Variants in PGS1 observed in about 807,000 individuals in gnomAD.
The protein encoded by PGS1 is phosphatidylglycerophosphate synthase 1.
PGS1 carries 44 observed loss-of-function variants against 58.3 expected under a neutral mutation model. The observed-to-expected ratio is 0.75, with a 90% CI of 0.59 to 0.97. The LOEUF (loss-of-function observed/expected upper bound fraction) is 0.97. Ranked by LOEUF, PGS1 falls within the 50% of genes least tolerant of loss-of-function variation. PGS1 has a pLI of 0.00. For synonymous variants in PGS1, 330 were observed against 311.0 expected (o/e 1.06, Z -0.64); for missense variants, 684 against 731.1 (o/e 0.94, Z 0.74).
chr17:78,400,785 G>A lies in PGS1; in HGVS notation c.810G>A (p.Gly270=). The A allele has an allele frequency of 1.2e-6, 2 of 1,613,888 alleles. No individual in the cohort carries two copies. The highest frequency in any genetic ancestry group is 1.7e-6 in the Non-Finnish European group (2 of 1,179,896). ...TCACGGAGCTGGTGGACGCGGTGGG[G>A]GATGTGTCCCTGCAGCTGCAGGGGG... The part of the protein sequence containing the change: ...DFFTELVDAV[G]DVSLQLQGDD... Residue 270 remains glycine (G), a synonymous_variant, in exon 6 of 10, where the codon GGG becomes GGA. Transcript: ENST00000262764. The surrounding 1 kb of genome is among the most constrained non-coding windows in gnomAD (Gnocchi z 4.4).
Position 78,378,705 on chromosome 17 carries a change from TG to T in PGS1, c.42del (p.Trp14Ter). ...GGCAGCTGCGGCGGGACCCGTGTTC[TG>T]GAGGCGACTGCTGGGCCTCCTGCCT... is the stretch of plus-strand genomic sequence containing the variant. Reference protein sequence around the residue: ...AAAAAAGPVFWRRLLGLLPGR... With the variant: ...AAAAAAGPVFXRRLLGLLPGR... On this transcript the variant is annotated frameshift_variant, in exon 1 of 10. Coordinates refer to ENST00000262764, the MANE Select transcript of PGS1 (RefSeq NM_024419.5). LOFTEE classifies it high-confidence loss of function. The T allele has an allele frequency of 6.6e-7, 1 of 1,522,328 alleles. No homozygotes were observed. 94.3% of individuals were successfully genotyped at this position (1,522,328 alleles called of 1,614,324 possible). A position where few individuals can be genotyped will look rare whatever the true frequency, so the allele number is the denominator to read the frequency against.
intron 1 of PGS1, among the ~76,000 whole-genome samples, chr17:78,379,518 TAAAAA>T (rs961268532): frequency 2.9e-4 from 44 of 151,716 alleles, no homozygotes; most frequent in Non-Finnish European, 5.3e-4. Context: ...TTGCTAATAT[TAAAAA>T]AAAGGGGATA....
intron 7 of PGS1, among the ~76,000 whole-genome samples, chr17:78,413,704 G>T (rs898915766): frequency 6.6e-6 from 1 of 152,200 alleles, no homozygotes; most frequent in Non-Finnish European, 1.5e-5. Flanking sequence ...GAGGAAGGGC[G>T]TCTCAGGCAG....
intron 1 of PGS1, among the ~76,000 whole-genome samples, chr17:78,383,522 G>A (rs1026012088): frequency 1.5e-4 from 23 of 152,172 alleles, no homozygotes; most frequent in African/African-American, 4.3e-4. Flanking sequence ...CACCGTGCCC[G>A]GCCTAGACTT....
chr17:78,410,801 C>CT, intron 7 of PGS1, among the ~76,000 whole-genome samples: 1 of 152,016 alleles, frequency 6.6e-6, no homozygotes, highest in South Asian at 2.1e-4. Flanking sequence ...TTAATTTGAC[C>CT]TTTTTTGGGA....
intron 9 of PGS1, chr17:78,421,403 T>TGTCCA (rs1568014682): frequency 6.6e-6 from 1 of 152,068 alleles, no homozygotes; most frequent in Non-Finnish European, 1.5e-5. Flanking sequence ...CAGGAGTCAC[T>TGTCCA]GTCACCCTTC....
At chr17:78,406,159 A>T (rs2084123116) in intron 7 of PGS1, among the ~76,000 whole-genome samples, 1 of 152,124 alleles carries the variant, frequency 6.6e-6, no homozygotes, top group Admixed American at 6.5e-5. Flanking sequence ...TACTAAAAAA[A>T]TACAAAAAAT....
intron 7 of PGS1, among the ~76,000 whole-genome samples, chr17:78,407,070 T>G (rs368423046): frequency 2.2e-4 from 33 of 152,258 alleles, no homozygotes; most frequent in African/African-American, 6.0e-4. Flanking sequence ...GTGGGTGGTG[T>G]TGGGTCGGGG....
intron 1 of PGS1, 49 bp downstream of exon 1, chr17:78,378,857 G>A: frequency 7.4e-6 from 10 of 1,354,758 alleles, no homozygotes; most frequent in Non-Finnish European, 9.4e-6. Context: ...GCTGCAGCCC[G>A]GCCCCCCGGC....
chr17:78,390,819 G>T (rs1176394319), intron 1 of PGS1, among the ~76,000 whole-genome samples: 5 of 152,212 alleles, frequency 3.3e-5, no homozygotes, highest in African/African-American at 1.2e-4. Context: ...CTTGGCCTCA[G>T]TGGAGTGTGG....
At chr17:78,385,933 C>T (rs1022589658) in intron 1 of PGS1, among the ~76,000 whole-genome samples, 2 of 152,294 alleles carry the variant, frequency 1.3e-5, no homozygotes, top group East Asian at 1.9e-4. Flanking sequence ...AGTCCTGGCT[C>T]GCCGCTTGGT....
At chr17:78,381,189 A>G (rs867648381) in intron 1 of PGS1, among the ~76,000 whole-genome samples, 1 of 152,100 alleles carries the variant, frequency 6.6e-6, no homozygotes, top group Non-Finnish European at 1.5e-5. Flanking sequence ...GGCAGTGGAG[A>G]TAGTCTAAAT....
In PGS1 at chr17:78,378,800, G is replaced by A. The variant is rs1266750557; in HGVS notation, c.135G>A (p.Gln45=). ...SDRLGRNRDR[Q]RRRSPWLLLA... The stretch of plus-strand genomic sequence containing the variant: ...GCCTCGGCAGGAACCGGGACCGCCA[G>A]CGCAGGAGGTGAGAGGGGCGGCCGG... The change falls in exon 1 of 10, where the codon CAG becomes CAA. Residue 45 remains glutamine, a synonymous_variant. Transcript: ENST00000262764. 1.4e-6 allele frequency: 2 copies of A among 1,467,914 alleles called. No homozygotes were observed. Among genetic ancestry groups the A allele is most frequent in the Non-Finnish European group, 1.8e-6 (2 of 1,117,008 alleles). The allele number at this position is 1,467,914 out of a possible 1,614,324, so 90.9% of individuals were successfully genotyped here.
At chr17:78,412,982 A>G (rs1441169803) in intron 7 of PGS1, among the ~76,000 whole-genome samples, 2 of 152,182 alleles carry the variant, frequency 1.3e-5, no homozygotes, top group African/African-American at 4.8e-5. Context: ...ACGAGGGGCC[A>G]TGAGTGCTGT....
chr17:78,381,296 G>C (rs771709801), intron 1 of PGS1, among the ~76,000 whole-genome samples: 7 of 152,116 alleles, frequency 4.6e-5, no homozygotes, highest in Non-Finnish European at 1.0e-4. Flanking sequence ...TGTTTCTCTG[G>C]GACAACAGTT....
intron 7 of PGS1, among the ~76,000 whole-genome samples, chr17:78,413,292 C>G (rs548434162): frequency 1.3e-5 from 2 of 152,236 alleles, no homozygotes; most frequent in East Asian, 3.9e-4. Flanking sequence ...ATTTTAGGAG[C>G]CTGGTGTATG....
chr17:78,399,158 C>T (rs957933635), intron 4 of PGS1, 190 bp from the exon 5 acceptor site: 8 of 599,606 alleles, frequency 1.3e-5, no homozygotes, highest in Non-Finnish European at 2.4e-5. Context: ...GGACTTCAGG[C>T]CTGAGACATG....
chr17:78,390,459 G>A (rs1011471542), intron 1 of PGS1, among the ~76,000 whole-genome samples: 10 of 152,226 alleles, frequency 6.6e-5, no homozygotes, highest in African/African-American at 2.4e-4. Context: ...TGACAGACCG[G>A]TGGGCTTTCT....
At chr17:78,408,288 G>T (rs1010465195) in intron 7 of PGS1, among the ~76,000 whole-genome samples, 3 of 152,148 alleles carry the variant, frequency 2.0e-5, no homozygotes, top group African/African-American at 7.2e-5. Context: ...ATACTCAGGA[G>T]AAGCCATGCA....
Sources: allele counts gnomAD v4.1 joint callset (sites outside exome capture counted in the v4.1 genomes callset), GRCh38; gene constraint gnomAD v4.1.1; non-coding constraint Gnocchi (gnomAD v3.1); transcripts MANE v1.5; gene names NCBI Gene and HGNC (gene_info 2026-07-23, HGNC 2026-07-21).